Variants in C12orf42 observed in about 807,000 individuals in gnomAD.
C12orf42 encodes the protein chromosome 12 open reading frame 42, also known as uncharacterized protein C12orf42.
In C12orf42, 25 loss-of-function variants were observed where a neutral mutation model predicts 21.6. That is an observed-to-expected ratio of 1.16 (90% confidence interval 0.84 to 1.62). The LOEUF (loss-of-function observed/expected upper bound fraction) is 1.62. Among genes scored for constraint, C12orf42 ranks in the 40% most tolerant of loss-of-function variants. C12orf42 has a pLI of 0.00. For missense variants in C12orf42, 483 were observed against 459.3 expected (o/e 1.05, Z -0.47); for synonymous variants, 174 against 175.0 (o/e 0.99, Z 0.05).
the C12orf42 span, among the ~76,000 whole-genome samples, chr12:103,165,933 C>T: frequency 3.3e-5 from 5 of 151,524 alleles, no homozygotes; most frequent in African/African-American, 9.7e-5. Flanking sequence ...CCCAGCTACT[C>T]GGGAGGTGAG....
the C12orf42 span, among the ~76,000 whole-genome samples, chr12:103,196,668 G>T: frequency 3.3e-4 from 50 of 152,036 alleles, no homozygotes; most frequent in African/African-American, 1.2e-3. Context: ...TTATTATTAC[G>T]CAATACCCTT....
the C12orf42 span, among the ~76,000 whole-genome samples, chr12:103,209,588 A>T: frequency 2.0e-5 from 3 of 152,192 alleles, no homozygotes; most frequent in Admixed American, 6.5e-5. Context: ...GGTCTGACTC[A>T]TACTCACACA....
intron 4 of C12orf42, among the ~76,000 whole-genome samples, chr12:103,336,786 G>A (rs1021398361): frequency 2.0e-5 from 3 of 152,090 alleles, no homozygotes; most frequent in Non-Finnish European, 4.4e-5. Flanking sequence ...TGCATCGCTG[G>A]GAAAAATAGG....
chr12:103,465,553 A>G (rs1953053695), intron 2 of C12orf42, among the ~76,000 whole-genome samples: 1 of 152,106 alleles, frequency 6.6e-6, no homozygotes, highest in Non-Finnish European at 1.5e-5. Flanking sequence ...AAACAGAGAC[A>G]GTTTGACTTC....
At chr12:103,544,381 C>T in the C12orf42 span, among the ~76,000 whole-genome samples, 2 of 152,204 alleles carry the variant, frequency 1.3e-5, no homozygotes, top group African/African-American at 4.8e-5. Flanking sequence ...AGTTCTGTTA[C>T]AATTGCCATT....
chr12:103,103,583 A>G, the C12orf42 span, among the ~76,000 whole-genome samples: 810 of 152,284 alleles, frequency 5.3e-3, 11 homozygotes, highest in Non-Finnish European at 2.9e-3. Flanking sequence ...CATAGCCCCT[A>G]TGGATCCTGA....
chr12:103,351,469 AT>A (rs1456568179), intron 4 of C12orf42, among the ~76,000 whole-genome samples: 2 of 152,076 alleles, frequency 1.3e-5, no homozygotes, highest in Non-Finnish European at 2.9e-5. Context: ...ACTCCTTTAT[AT>A]TTAATTTGGC....
At chr12:103,167,270 G>A in the C12orf42 span, among the ~76,000 whole-genome samples, 725 of 152,250 alleles carry the variant, frequency 4.8e-3, 5 homozygotes, top group Non-Finnish European at 5.9e-3. Flanking sequence ...AACCAAGTCT[G>A]GCAGGAGATT....
At chr12:103,258,901 T>A (rs560512211) in intron 10 of C12orf42, among the ~76,000 whole-genome samples, 31 of 152,268 alleles carry the variant, frequency 2.0e-4, no homozygotes, top group African/African-American at 7.0e-4. Context: ...CCTCGTCAAA[T>A]TTATCTGTCA....
chr12:103,343,607 C>T (rs1028930302), intron 4 of C12orf42, among the ~76,000 whole-genome samples: 1 of 151,706 alleles, frequency 6.6e-6, no homozygotes, highest in African/African-American at 2.4e-5. Context: ...GGTGAAACCC[C>T]GTTTCTACTA....
At chr12:103,219,195 G>A in the C12orf42 span, among the ~76,000 whole-genome samples, 3 of 152,222 alleles carry the variant, frequency 2.0e-5, no homozygotes, top group African/African-American at 7.2e-5. Flanking sequence ...GGGGCATTTA[G>A]CCTGTTTCCA....
chr12:103,216,337 C>A, the C12orf42 span, among the ~76,000 whole-genome samples: 3 of 151,796 alleles, frequency 2.0e-5, no homozygotes, highest in Non-Finnish European at 4.4e-5. Context: ...AAATTTCAGA[C>A]CCAGAATTCT....
chr12:103,095,086 G>T, the C12orf42 span, among the ~76,000 whole-genome samples: 2 of 152,104 alleles, frequency 1.3e-5, no homozygotes, highest in Admixed American at 1.3e-4. Context: ...TACCACCTCT[G>T]CTGCTACTCT....
chr12:103,333,630 A>T (rs2137090703), intron 4 of C12orf42, among the ~76,000 whole-genome samples: 1 of 152,334 alleles, frequency 6.6e-6, no homozygotes, highest in African/African-American at 2.4e-5. Flanking sequence ...AACTCAGAAC[A>T]TCACATCCAA....
At chr12:103,435,270 C>T (rs568946496) in intron 2 of C12orf42, among the ~76,000 whole-genome samples, 6 of 152,178 alleles carry the variant, frequency 3.9e-5, no homozygotes, top group Non-Finnish European at 7.4e-5. Context: ...TCATCAAAGA[C>T]CAAAAGTAGA....
chr12:103,140,863 A>G, the C12orf42 span, among the ~76,000 whole-genome samples: 3 of 152,134 alleles, frequency 2.0e-5, no homozygotes, highest in Non-Finnish European at 4.4e-5. Context: ...CACACACCAT[A>G]CAATGTACGC....
At chr12:103,453,910 A>G (rs1952118597) in intron 2 of C12orf42, among the ~76,000 whole-genome samples, 1 of 152,096 alleles carries the variant, frequency 6.6e-6, no homozygotes, top group East Asian at 1.9e-4. Context: ...TTTACTCAAC[A>G]TAAGCACTTA....
chr12:103,230,849 C>G, the C12orf42 span, among the ~76,000 whole-genome samples: 20 of 150,564 alleles, frequency 1.3e-4, no homozygotes, highest in Admixed American at 3.3e-4. Context: ...TTTCTTTGGA[C>G]TTATGCTGTT....
chr12:103,476,155 T>A (rs1036162086), intron 2 of C12orf42, among the ~76,000 whole-genome samples: 4 of 152,200 alleles, frequency 2.6e-5, no homozygotes, highest in African/African-American at 9.7e-5. Context: ...AAAACATAGA[T>A]AATGAAAGCA....
Sources: allele counts gnomAD v4.1 joint callset (sites outside exome capture counted in the v4.1 genomes callset), GRCh38; gene constraint gnomAD v4.1.1; transcripts MANE v1.5; gene names NCBI Gene and HGNC (gene_info 2026-07-23, HGNC 2026-07-21).